The following SMCHD1 variants were observed in gnomAD, a reference collection of about 807,000 sequenced individuals.
SMCHD1 encodes the protein structural maintenance of chromosomes flexible hinge domain-containing protein 1.
A neutral mutation model predicts 254.7 loss-of-function variants in SMCHD1; 78 were observed. The ratio of observed to expected loss-of-function variants is 0.31; its 90% CI spans 0.26 to 0.37. The LOEUF is 0.37. SMCHD1 is among the 10% of genes least tolerant of loss of function. The probability of loss-of-function intolerance (pLI) is 1.00; values close to 1 mark genes in which losing one functional copy is unlikely to be tolerated. For missense variants in SMCHD1, 1,840 were observed against 2,408.1 expected, an observed-to-expected ratio of 0.76 and a Z score of 4.94; for synonymous variants, 766 against 794.9, an observed-to-expected ratio of 0.96 and a Z score of 0.61.
intron 14 of SMCHD1, 49 bp downstream of exon 14, chr18:2,705,856 T>C (rs746629823): frequency 4.5e-6 from 5 of 1,117,388 alleles, no homozygotes; most frequent in South Asian, 1.4e-5. Flanking sequence ...GATAACACTT[T>C]TGCATAATTG....
Position 2,795,951 on chromosome 18 carries a change from C to A in SMCHD1, c.5722C>A (p.Leu1908Ile). 6.3e-7 allele frequency: 1 copy of A among 1,577,868 alleles called. No individual in the cohort carries two copies. The highest frequency in any genetic ancestry group is 1.2e-5 in the South Asian group (1 of 85,090). ...QCLILGEQID[L>I]LQQYRSAVCK... ...AAATGCATTTGGTTTCTTTACAGAT[C>A]TTCTTCAGCAGTATCGTTCTGCTGT... is the stretch of plus-strand genomic sequence containing the variant. Residue 1908 changes from leucine to isoleucine, a missense_variant and splice_region_variant, in exon 46 of 48, where the codon CTT becomes ATT. By Grantham distance (5) the Leu-to-Ile change is conservative. Coordinates refer to ENST00000320876, the MANE Select transcript of SMCHD1 (RefSeq NM_015295.3).
At chr18:2,668,646 C>T (rs1283003886) in intron 3 of SMCHD1, among the ~76,000 whole-genome samples, 1 of 152,044 alleles carries the variant, frequency 6.6e-6, no homozygotes, top group Non-Finnish European at 1.5e-5. Flanking sequence ...ATTTTTTGAT[C>T]CTGTTTATAG....
intron 39 of SMCHD1, among the ~76,000 whole-genome samples, chr18:2,770,444 T>A (rs1443869748): frequency 1.3e-5 from 2 of 151,894 alleles, no homozygotes; most frequent in African/African-American, 4.8e-5. Context: ...ACCAAGGGAG[T>A]GATGTGTAAT....
At chr18:2,708,349 C>G (rs2074569249) in intron 17 of SMCHD1, among the ~76,000 whole-genome samples, 1 of 151,938 alleles carries the variant, frequency 6.6e-6, no homozygotes, top group Admixed American at 6.6e-5. Flanking sequence ...TCTGGGTGAG[C>G]CTTGCCTTTT....
In SMCHD1 at chr18:2,666,904, G is replaced by C. The variant is rs775442569; in HGVS notation, c.297G>C (p.Leu99=). Residue 99 remains leucine (L), a synonymous_variant, in exon 3 of 48, where the codon CTG becomes CTC. Transcript: ENST00000320876. The part of the protein sequence containing the change: ...ETVKDGVTLY[L]LQSVNQLLLT... ...TTAAAGATGGAGTCACCTTATACCTGCTACAGTCGGTCAATCAGTTACTAC... is the reference window on the plus strand; with the variant it reads ...TTAAAGATGGAGTCACCTTATACCTCCTACAGTCGGTCAATCAGTTACTAC... 12 of 1,613,238 alleles carry C rather than the reference G, an allele frequency of 7.4e-6. No homozygotes were observed. The East Asian group carries it at 2.7e-4, about 36-fold the overall frequency.
At chr18:2,781,169 C>T (rs1382019682) in intron 44 of SMCHD1, among the ~76,000 whole-genome samples, 1 of 152,226 alleles carries the variant, frequency 6.6e-6, no homozygotes, top group East Asian at 1.9e-4. Flanking sequence ...GGGGGGAAAC[C>T]TTAGTATAAG....
chr18:2,731,386 GTCTTT>G (rs1173925351), intron 24 of SMCHD1, among the ~76,000 whole-genome samples: 2 of 151,998 alleles, frequency 1.3e-5, no homozygotes, highest in Non-Finnish European at 2.9e-5. Flanking sequence ...CATAATCTTG[GTCTTT>G]TCTTTGATCT....
At chr18:2,788,289 T>C (rs1296223964) in intron 45 of SMCHD1, among the ~76,000 whole-genome samples, 1 of 152,230 alleles carries the variant, frequency 6.6e-6, no homozygotes, top group African/African-American at 2.4e-5. Context: ...TTACATATTA[T>C]AAAATATTAC....
At position 2,697,818 on chromosome 18, in the gene SMCHD1, C is replaced by T. The variant is rs765394765; in HGVS notation, c.1132-13C>T. ...CATAGAATTTAATTATTTTTGTTTC[C>T]TTTTTATTTTAGATTTCTATGTTTG... On this transcript the variant is annotated splice_polypyrimidine_tract_variant and intron_variant, in intron 9 of 47. Coordinates refer to ENST00000320876, the MANE Select transcript of SMCHD1 (RefSeq NM_015295.3). 10 of 1,553,960 alleles carry T rather than the reference C, an allele frequency of 6.4e-6. No homozygotes were observed. Among genetic ancestry groups the T allele is most frequent in the Non-Finnish European group, 8.8e-6 (10 of 1,130,288 alleles).
chr18:2,673,182 C>G, intron 3 of SMCHD1, 99 bp from the exon 4 acceptor site: 1 of 1,397,674 alleles, frequency 7.2e-7, no homozygotes, highest in East Asian at 2.6e-5. Context: ...AATTCTAGCT[C>G]TTTGGCTTTA....
At chr18:2,800,147 C>T (rs1405772137) in intron 47 of SMCHD1, among the ~76,000 whole-genome samples, 1 of 151,834 alleles carries the variant, frequency 6.6e-6, no homozygotes, top group African/African-American at 2.4e-5. Flanking sequence ...GATTCAGAGT[C>T]AGTTAGAACA....
In SMCHD1 at chr18:2,703,769, A is replaced by G. The variant is rs2074454554; in HGVS notation, c.1725A>G (p.Lys575=). ...DCHEKYDKQI[K]FTLFKGVITR... ...ATGAGAAGTATGATAAACAAATAAA[A>G]TTTACACTTTTTAAGGGAGTAATTA... The change falls in exon 13 of 48, where the codon AAA becomes AAG. Residue 575 remains lysine (K), a synonymous_variant. Coordinates refer to ENST00000320876, the MANE Select transcript of SMCHD1 (RefSeq NM_015295.3). The G allele has an allele frequency of 6.2e-7, 1 of 1,612,890 alleles. No homozygotes were observed. Among genetic ancestry groups the G allele is most frequent in the East Asian group, 2.2e-5 (1 of 44,802 alleles).
intron 10 of SMCHD1, among the ~76,000 whole-genome samples, chr18:2,698,810 A>T (rs968792445): frequency 6.6e-6 from 1 of 152,010 alleles, no homozygotes; most frequent in African/African-American, 2.4e-5. Flanking sequence ...CAAAGTTCCC[A>T]TAAGTACATA....
At chr18:2,697,788 G>T in intron 9 of SMCHD1, 43 bp from the exon 10 acceptor site, 1 of 1,332,214 alleles carries the variant, frequency 7.5e-7, no homozygotes, top group Non-Finnish European at 1.1e-6. Flanking sequence ...CAAAAGTAAA[G>T]TTACCATAGA....
intron 17 of SMCHD1, among the ~76,000 whole-genome samples, chr18:2,712,471 A>G (rs192753058): frequency 5.1e-4 from 78 of 152,334 alleles, no homozygotes; most frequent in Admixed American, 1.9e-3. Flanking sequence ...ATATGTGGCC[A>G]TTTGTGAATC....
intron 29 of SMCHD1, among the ~76,000 whole-genome samples, chr18:2,746,567 T>A (rs1229994492): frequency 6.6e-6 from 1 of 152,206 alleles, no homozygotes; most frequent in Non-Finnish European, 1.5e-5. Context: ...ACTAAACCAA[T>A]CTCAAGGGTG....
intron 5 of SMCHD1, among the ~76,000 whole-genome samples, chr18:2,678,540 C>T (rs2143875357): frequency 6.6e-6 from 1 of 152,252 alleles, no homozygotes; most frequent in East Asian, 1.9e-4. Flanking sequence ...TGGTCTCGAA[C>T]TCCTGACCTT....
At chr18:2,672,973 A>G (rs1017258358) in intron 3 of SMCHD1, 1 of 649,314 alleles carries the variant, frequency 1.5e-6, no homozygotes, top group African/African-American at 2.0e-5. Flanking sequence ...TTTTATGGTT[A>G]TGGTCTTCTG....
At chr18:2,708,066 A>T in intron 17 of SMCHD1, 146 bp downstream of exon 17, 1 of 485,066 alleles carries the variant, frequency 2.1e-6, no homozygotes, top group Non-Finnish European at 3.6e-6. Context: ...AATGTTATGA[A>T]TAGCTCATTT....
Sources: gnomAD v4.1 joint callset for allele counts (sites outside exome capture counted in the v4.1 genomes callset) on GRCh38, gnomAD v4.1.1 for gene constraint, MANE v1.5 for transcripts, NCBI Gene and HGNC (gene_info 2026-07-23, HGNC 2026-07-21) for gene names.